The following CSPG5 variants were observed in gnomAD, a reference collection of about 807,000 sequenced individuals.
CSPG5 encodes the protein chondroitin sulfate proteoglycan 5.
A neutral mutation model predicts 39.8 loss-of-function variants in CSPG5; 25 were observed. The ratio of observed to expected loss-of-function variants is 0.63; its 90% CI spans 0.46 to 0.88. The LOEUF (loss-of-function observed/expected upper bound fraction) is 0.88, where lower values mean the gene tolerates loss of function less well. CSPG5 is among the 40% of genes least tolerant of loss of function. The pLI is 0.00. For synonymous variants in CSPG5, 295 were observed against 303.9 expected (o/e 0.97, Z 0.31); for missense variants, 627 against 702.2 (o/e 0.89, Z 1.21).
chr3:47,563,817 G>T (rs1030478841), intron 4 of CSPG5, among the ~76,000 whole-genome samples: 4 of 152,196 alleles, frequency 2.6e-5, no homozygotes, highest in Non-Finnish European at 4.4e-5. Context: ...GCCTCCCAAA[G>T]TGCTGGGATT....
chr3:47,564,643 CTG>C (rs1448485318), intron 4 of CSPG5, among the ~76,000 whole-genome samples: 1 of 152,172 alleles, frequency 6.6e-6, no homozygotes, highest in African/African-American at 2.4e-5. Flanking sequence ...TCACAAAACA[CTG>C]TGCAGTGACA....
chr3:47,577,147 G>A lies in CSPG5; in HGVS notation c.879C>T (p.Asp293=). 2 of 1,613,650 alleles carry A rather than the reference G, an allele frequency of 1.2e-6. No homozygotes were observed. The highest frequency in any genetic ancestry group is 1.7e-6 in the Non-Finnish European group (2 of 1,179,848). The change falls in exon 2 of 5, where the codon GAC becomes GAT. Residue 293 remains aspartate (D), a synonymous_variant. Coordinates refer to ENST00000264723, the MANE Select transcript of CSPG5 (RefSeq NM_006574.4). The surrounding 1 kb of genome is among the most constrained non-coding windows in gnomAD (Gnocchi z 4.7). The part of the protein sequence containing the change: ...EDDKDAVGGG[D]LEDENELLVP... ...CTAGAAGCTCATTTTCATCTTCTAG[G>A]TCTCCACCTCCTACTGCATCTTTGT...
chr3:47,575,525 A>G (rs1400571802), intron 2 of CSPG5, among the ~76,000 whole-genome samples: 2 of 152,258 alleles, frequency 1.3e-5, no homozygotes, highest in Non-Finnish European at 2.9e-5. Context: ...CAATGCCCTT[A>G]GGAAAACTAA....
Position 47,577,096 on chromosome 3 carries a change from C to G in CSPG5, c.930G>C (p.Gly310=), listed in dbSNP as rs2031775598. The G allele has an allele frequency of 1.9e-6, 3 of 1,613,786 alleles. No homozygotes were observed. The highest frequency in any genetic ancestry group is 2.2e-5 in the South Asian group (2 of 91,090). ...LLVPTGKPGL[G]PGTGQPTSRW... ...GACTGGTGGGCTGGCCTGTCCCGGG[C>G]CCCAGACCAGGCTTCCCAGTGGGCA... The change falls in exon 2 of 5, where the codon GGG becomes GGC. Residue 310 remains glycine (G), a synonymous_variant. Transcript: ENST00000264723. The surrounding 1 kb of genome is among the most constrained non-coding windows in gnomAD (Gnocchi z 4.7).
At position 47,577,085 on chromosome 3, in the gene CSPG5, C is replaced by T. The variant is rs2031774687; in HGVS notation, c.941G>A (p.Gly314Asp). 6.2e-7 allele frequency: 1 copy of T among 1,613,588 alleles called. No individual in the cohort carries two copies. The highest frequency in any genetic ancestry group is 1.3e-5 in the African/African-American group (1 of 74,948). The change falls in exon 2 of 5, where the codon GGC (glycine) becomes GAC (aspartate). Residue 314 changes from glycine (G) to aspartate (D), a missense_variant. Transcript: ENST00000264723. The surrounding 1 kb of genome is among the most constrained non-coding windows in gnomAD (Gnocchi z 4.7). ...AGCATGCCACCGACTGGTGGGCTGGCCTGTCCCGGGCCCCAGACCAGGCTT... is the reference window on the plus strand; with the variant it reads ...AGCATGCCACCGACTGGTGGGCTGGTCTGTCCCGGGCCCCAGACCAGGCTT... ...TGKPGLGPGT[G>D]QPTSRWHAVP... is the part of the protein sequence containing the mutation.
In CSPG5 at chr3:47,577,474, G is replaced by C. The variant is rs758758712; in HGVS notation, c.552C>G (p.Pro184=). The change falls in exon 2 of 5, where the codon CCC becomes CCG. Residue 184 remains proline, a synonymous_variant. Coordinates refer to ENST00000264723, the MANE Select transcript of CSPG5 (RefSeq NM_006574.4). The surrounding 1 kb of genome is among the most constrained non-coding windows in gnomAD (Gnocchi z 4.7). ...AAGTCAGCTCTGGCCCTTGAGGGTC[G>C]GGTGTGCTGCCCCCCAGGTTCAGCC... ...EVWLNLGGST[P]DPQGPELTYP... is the part of the protein sequence containing the mutation. 2 of 1,613,898 alleles carry C rather than the reference G, an allele frequency of 1.2e-6. No individual in the cohort carries two copies. The highest frequency in any genetic ancestry group is 1.7e-6 in the Non-Finnish European group (2 of 1,179,966).
rs748501076 is a variant in CSPG5 at position 47,572,755 on chromosome 3, A to G, written c.1313T>C (p.Met438Thr). The G allele has an allele frequency of 9.9e-6, 16 of 1,614,214 alleles. No individual in the cohort carries two copies. The highest frequency in any genetic ancestry group is 1.4e-5 in the Non-Finnish European group (16 of 1,180,048). The stretch of plus-strand genomic sequence containing the variant: ...CTTCTTGGCAAAGAACACCGTCATC[A>G]TGAAGAGCAGGAGCAGGACGAGGGC... ...SAALVLLLLF[M>T]MTVFFAKKLY... The change falls in exon 3 of 5, where the codon ATG (methionine) becomes ACG (threonine). Residue 438 changes from methionine (M) to threonine (T), a missense_variant. By Grantham distance (81) the Met-to-Thr change is moderately conservative. Transcript: ENST00000264723. This position sits in a 1 kb window ranked among gnomAD's most constrained non-coding sequence, Gnocchi z 4.5.
chr3:47,569,136 T>G lies in CSPG5; in HGVS notation c.1458+16A>C. On this transcript the variant is annotated intron_variant, in intron 4 of 4. Transcript: ENST00000264723. ...TGGGGGGAGGAGGTACGGGGAGTGT[T>G]GCAAAGTTTCCTTACATTTGGGTGA... The G allele has an allele frequency of 6.2e-7, 1 of 1,607,034 alleles. No individual in the cohort carries two copies. The highest frequency in any genetic ancestry group is 8.5e-7 in the Non-Finnish European group (1 of 1,177,172).
chr3:47,564,970 C>A (rs1576367782), intron 4 of CSPG5, among the ~76,000 whole-genome samples: 1 of 152,192 alleles, frequency 6.6e-6, no homozygotes. Flanking sequence ...TAGAACAGGA[C>A]AAGAGGACCT....
intron 4 of CSPG5, 136 bp downstream of exon 4, chr3:47,569,016 A>G: frequency 2.2e-6 from 3 of 1,391,428 alleles, no homozygotes; most frequent in South Asian, 3.1e-5. Flanking sequence ...GACATCAGAC[A>G]TGGGCCAGGG....
At chr3:47,568,070 T>C (rs2031381990) in intron 4 of CSPG5, among the ~76,000 whole-genome samples, 1 of 152,194 alleles carries the variant, frequency 6.6e-6, no homozygotes, top group Non-Finnish European at 1.5e-5. Context: ...ACCGTATTGG[T>C]CTAGAGTGCT....
Position 47,578,653 on chromosome 3 carries a change from G to A in CSPG5, c.41C>T (p.Pro14Leu), listed in dbSNP as rs959225022. 8 of 1,126,398 alleles carry A rather than the reference G, an allele frequency of 7.1e-6. No homozygotes were observed. The African/African-American group carries it at 1.2e-4, about 16-fold the overall frequency. 69.8% of individuals were successfully genotyped at this position (1,126,398 alleles called of 1,614,324 possible). A position where few individuals can be genotyped will look rare whatever the true frequency, so the allele number is the denominator to read the frequency against. Residue 14 changes from proline (P) to leucine (L), a missense_variant, in exon 1 of 5, where the codon CCG becomes CTG. By Grantham distance (98) the Pro-to-Leu change is moderately conservative (BLOSUM62 -3). Transcript: ENST00000264723. This position sits in a 1 kb window ranked among gnomAD's most constrained non-coding sequence, Gnocchi z 6.0. ...GGCCCCCAGAAACAGCAGCAGTGGC[G>A]GCGGCCCCCGGCCCGGGCCCCCGCC... is the stretch of plus-strand genomic sequence containing the variant. Reference protein sequence around the residue: ...AGGGGPGRGPPPLLLFLGAAL... With the variant: ...AGGGGPGRGPLPLLLFLGAAL...
intron 3 of CSPG5, among the ~76,000 whole-genome samples, chr3:47,569,618 T>C (rs1337353085): frequency 5.3e-5 from 8 of 151,794 alleles, no homozygotes; most frequent in African/African-American, 1.9e-4. Context: ...AAAAAAAAAT[T>C]ACAAAAAATC....
intron 2 of CSPG5, among the ~76,000 whole-genome samples, chr3:47,576,350 A>G (rs920398606): frequency 2.0e-5 from 3 of 152,088 alleles, no homozygotes. Context: ...AGTGCATTTT[A>G]CCAAGTAATT....
At chr3:47,563,773 C>T (rs529826023) in intron 4 of CSPG5, among the ~76,000 whole-genome samples, 16 of 152,218 alleles carry the variant, frequency 1.1e-4, no homozygotes, top group African/African-American at 3.4e-4. Context: ...AGGCTGGTCT[C>T]GAACTCCTGG....
Position 47,578,676 on chromosome 3 carries a change from G to GC in CSPG5, c.17dup (p.Gly7ArgfsTer29). The GC allele has an allele frequency of 9.4e-7, 1 of 1,064,942 alleles. No individual in the cohort carries two copies. Among genetic ancestry groups the GC allele is most frequent in the Non-Finnish European group, 1.1e-6 (1 of 871,528 alleles). The allele number at this position is 1,064,942 out of a possible 1,614,324, so 66.0% of individuals were successfully genotyped here. On this transcript the variant is annotated frameshift_variant, in exon 1 of 5. Transcript: ENST00000264723. LOFTEE classifies it high-confidence loss of function. The surrounding 1 kb of genome is among the most constrained non-coding windows in gnomAD (Gnocchi z 6.0). ...GCGGCGGCCCCCGGCCCGGGCCCCC[G>GC]CCCCCGGCTCGCCCCATGGCGCGGC...
chr3:47,574,600 G>A (rs148667841), intron 2 of CSPG5, among the ~76,000 whole-genome samples: 129 of 152,260 alleles, frequency 8.5e-4, no homozygotes, highest in Non-Finnish European at 1.4e-3. Context: ...TCCAAGAACT[G>A]TGTGGTCACA....
intron 3 of CSPG5, among the ~76,000 whole-genome samples, chr3:47,571,408 C>T (rs1049210609): frequency 1.3e-5 from 2 of 152,224 alleles, no homozygotes; most frequent in Non-Finnish European, 2.9e-5. Context: ...CTCCCCCATC[C>T]TCATCAGCAG....
intron 2 of CSPG5, among the ~76,000 whole-genome samples, chr3:47,575,609 C>T (rs2031688748): frequency 6.6e-6 from 1 of 152,100 alleles, no homozygotes; most frequent in African/African-American, 2.4e-5. Context: ...AGAAAAAAGC[C>T]ACCTCCCAAA....
Sources: gnomAD v4.1 joint callset for allele counts (sites outside exome capture counted in the v4.1 genomes callset) on GRCh38, gnomAD v4.1.1 for gene constraint, Gnocchi (gnomAD v3.1) non-coding constraint, MANE v1.5 for transcripts, NCBI Gene and HGNC (gene_info 2026-07-23, HGNC 2026-07-21) for gene names.